Variants in DMD observed in about 807,000 individuals in gnomAD.
DMD encodes the protein dystrophin.
A neutral mutation model predicts 330.1 loss-of-function variants in DMD; 63 were observed. The ratio of observed to expected loss-of-function variants is 0.19; its 90% CI spans 0.16 to 0.24. The LOEUF (loss-of-function observed/expected upper bound fraction) is 0.24, where lower values mean the gene tolerates loss of function less well. Ranked by LOEUF, DMD falls within the 10% of genes least tolerant of loss-of-function variation. The pLI, the probability that DMD is intolerant of heterozygous loss-of-function variation, is 1.00. For missense variants in DMD, 3,344 were observed against 2,684.1 expected (o/e 1.25, Z -5.43); for synonymous variants, 1,223 against 959.8 (o/e 1.27, Z -5.07).
upstream of DMD, among the ~76,000 whole-genome samples, chrX:33,212,306 A>T: frequency 8.9e-6 from 1 of 112,126 alleles, no homozygotes; most frequent in Non-Finnish European, 1.9e-5. Context: ...GTTAATGATC[A>T]TTTAATGGTT....
At chrX:31,766,349 C>A (rs759122395) in intron 51 of DMD, among the ~76,000 whole-genome samples, 1 of 109,588 alleles carries the variant, frequency 9.1e-6, no homozygotes, top group South Asian at 3.9e-4. Context: ...ACATCTGCCT[C>A]CCGGGTTCAA....
intron 13 of DMD, among the ~76,000 whole-genome samples, chrX:32,587,291 T>C (rs182072227): frequency 1.8e-5 from 2 of 111,605 alleles, no homozygotes; most frequent in East Asian, 5.6e-4. Flanking sequence ...ATTCCCTTTG[T>C]AACCTGTGTG....
At chrX:32,489,012 G>A (rs1394720086) in intron 20 of DMD, among the ~76,000 whole-genome samples, 2 of 111,225 alleles carry the variant, frequency 1.8e-5, no homozygotes, top group Admixed American at 9.6e-5. Context: ...CCTCCCTCAA[G>A]GAAGATGCCC....
intron 52 of DMD, among the ~76,000 whole-genome samples, chrX:31,702,479 C>G (rs1395449155): frequency 9.0e-6 from 1 of 111,659 alleles, no homozygotes; most frequent in Non-Finnish European, 1.9e-5. Flanking sequence ...GCAAATTATC[C>G]TTCATTCTTC....
intron 4 of DMD, among the ~76,000 whole-genome samples, chrX:32,827,114 G>C (rs760101842): frequency 1.1e-5 from 1 of 92,555 alleles, no homozygotes; most frequent in Non-Finnish European, 2.0e-5. Flanking sequence ...CTAAATAAAT[G>C]TTCATGGTTT....
chrX:31,186,473 G>A (rs1479415800), intron 67 of DMD, among the ~76,000 whole-genome samples: 1 of 111,532 alleles, frequency 9.0e-6, no homozygotes, highest in African/African-American at 3.3e-5. Flanking sequence ...GCAGATAGAG[G>A]GGAAAAACAC....
chrX:33,104,597 C>T (rs5972750), intron 1 of DMD, among the ~76,000 whole-genome samples: 34,606 of 107,823 alleles, frequency 0.32, 4,679 homozygotes, highest in East Asian at 0.83. Context: ...ACCCCTATCT[C>T]CCTTCGCTGA....
chrX:32,272,651 G>C, intron 43 of DMD, among the ~76,000 whole-genome samples: 1 of 111,650 alleles, frequency 9.0e-6, no homozygotes, highest in Non-Finnish European at 1.9e-5. Context: ...GTGAGCTTAA[G>C]ACAATTATTT....
intron 62 of DMD, among the ~76,000 whole-genome samples, chrX:31,302,213 CCT>C (rs746140397): frequency 3.7e-4 from 41 of 111,535 alleles, no homozygotes; most frequent in Non-Finnish European, 7.2e-4. Context: ...GACTTTTACC[CCT>C]GAGATACAAA....
intron 7 of DMD, among the ~76,000 whole-genome samples, chrX:32,723,738 A>C (rs1253082397): frequency 9.0e-6 from 1 of 110,860 alleles, no homozygotes; most frequent in South Asian, 3.8e-4. Context: ...TCATTTCATT[A>C]TGTCTATGTA....
intron 44 of DMD, among the ~76,000 whole-genome samples, chrX:32,204,734 G>A (rs776854357): frequency 2.0e-4 from 22 of 110,189 alleles, no homozygotes; most frequent in African/African-American, 7.3e-4. Context: ...TCTACTTCTG[G>A]TGAGAGCCTC....
At chrX:33,138,816 C>T (rs1224354353) in intron 1 of DMD, among the ~76,000 whole-genome samples, 1 of 110,876 alleles carries the variant, frequency 9.0e-6, no homozygotes, top group Admixed American at 9.7e-5. Context: ...TGGCTTCTGG[C>T]GTGGGTTTGT....
At chrX:32,369,719 A>G (rs917232127) in intron 34 of DMD, among the ~76,000 whole-genome samples, 2 of 111,117 alleles carry the variant, frequency 1.8e-5, no homozygotes, top group Non-Finnish European at 3.8e-5. Flanking sequence ...TTATATTCTT[A>G]AGATAACTTC....
At chrX:32,905,444 A>T (rs1353366111) in intron 2 of DMD, among the ~76,000 whole-genome samples, 1 of 111,667 alleles carries the variant, frequency 9.0e-6, no homozygotes, top group Non-Finnish European at 1.9e-5. Context: ...TGTTTACTAT[A>T]TATATAAGTT....
Position 31,735,517 on chromosome X carries a change from G to C in DMD, c.7543-5769C>G, listed in dbSNP as rs762592121. 3.6e-5 allele frequency among the ~76,000 whole-genome samples: 4 copies of C among 111,821 alleles called. No homozygotes were observed. The East Asian group carries it at 1.1e-3, about 32-fold the overall frequency. ...TAATTAGTAACATAGGTTTCTTCATGCCTCCCATGGGCTGGCCTCTTAAGA... is the reference window on the plus strand; with the variant it reads ...TAATTAGTAACATAGGTTTCTTCATCCCTCCCATGGGCTGGCCTCTTAAGA... On this transcript the variant is annotated intron_variant, in intron 51 of 78. Coordinates refer to ENST00000357033, the MANE Select transcript of DMD (RefSeq NM_004006.3).
intron 1 of DMD, among the ~76,000 whole-genome samples, chrX:33,199,187 T>C (rs191898080): frequency 8.1e-5 from 9 of 110,685 alleles, no homozygotes; most frequent in Non-Finnish European, 1.7e-4. Flanking sequence ...GTTTAGAGAG[T>C]GGATTATCAA....
intron 2 of DMD, among the ~76,000 whole-genome samples, chrX:32,932,027 G>A (rs578256009): frequency 1.2e-3 from 130 of 111,760 alleles, no homozygotes; most frequent in African/African-American, 4.0e-3. Flanking sequence ...ATACACACAC[G>A]CATTATGCTA....
At chrX:32,626,996 G>A (rs2058385223) in intron 11 of DMD, among the ~76,000 whole-genome samples, 1 of 104,961 alleles carries the variant, frequency 9.5e-6, no homozygotes, top group Admixed American at 9.8e-5. Flanking sequence ...GAATCACTGA[G>A]AGAACTTTTC....
At chrX:32,572,849 C>G in intron 15 of DMD, among the ~76,000 whole-genome samples, 1 of 110,826 alleles carries the variant, frequency 9.0e-6, no homozygotes, top group Non-Finnish European at 1.9e-5. Flanking sequence ...TAGCACAATC[C>G]CTTTCATGAT....
Sources: allele counts gnomAD v4.1 joint callset (sites outside exome capture counted in the v4.1 genomes callset), GRCh38; gene constraint gnomAD v4.1.1; transcripts MANE v1.5; gene names NCBI Gene and HGNC (gene_info 2026-07-23, HGNC 2026-07-21).